Variants in HELLS observed in about 807,000 individuals in gnomAD.
The protein encoded by HELLS is helicase, lymphoid specific, also known as lymphoid-specific helicase.
HELLS carries 32 observed loss-of-function variants against 120.0 expected under a neutral mutation model. The ratio of observed to expected loss-of-function variants is 0.27; its 90% CI spans 0.20 to 0.36. HELLS has a LOEUF of 0.36. Among genes scored for constraint, HELLS ranks in the 10% least tolerant of loss-of-function variants. The probability of loss-of-function intolerance (pLI) is 1.00; values close to 1 mark genes in which losing one functional copy is unlikely to be tolerated. For synonymous variants in HELLS, 341 were observed against 323.4 expected, an observed-to-expected ratio of 1.05 and a Z score of -0.58; for missense variants, 650 against 993.4, an observed-to-expected ratio of 0.65 and a Z score of 4.65.
intron 2 of HELLS, among the ~76,000 whole-genome samples, chr10:94,551,784 G>A (rs1036394964): frequency 8.0e-5 from 12 of 150,518 alleles, no homozygotes; most frequent in Admixed American, 6.6e-4. Flanking sequence ...CTGTTGCCCA[G>A]GCTGAAGTGC....
At chr10:94,597,740 C>T (rs1845806806) in intron 21 of HELLS, among the ~76,000 whole-genome samples, 1 of 152,142 alleles carries the variant, frequency 6.6e-6, no homozygotes, top group Non-Finnish European at 1.5e-5. Flanking sequence ...GCCATGTTGG[C>T]CAGGCTGGTC....
chr10:94,575,627 T>C (rs1396133455), intron 9 of HELLS, among the ~76,000 whole-genome samples: 1 of 152,098 alleles, frequency 6.6e-6, no homozygotes, highest in Non-Finnish European at 1.5e-5. Context: ...TTCACCATGT[T>C]GGCCAAGATG....
intron 2 of HELLS, among the ~76,000 whole-genome samples, chr10:94,550,467 A>G (rs1293187179): frequency 6.6e-6 from 1 of 152,028 alleles, no homozygotes; most frequent in Admixed American, 6.6e-5. Context: ...TTTTTAGTAA[A>G]GACGGGGTTT....
chr10:94,565,357 A>G (rs1238296542), intron 6 of HELLS, among the ~76,000 whole-genome samples: 16 of 151,812 alleles, frequency 1.1e-4, no homozygotes, highest in Admixed American at 1.1e-3. Context: ...GTTAGGGTCC[A>G]CTGAAATTCA....
chr10:94,557,852 C>G (rs1352493938), intron 3 of HELLS, among the ~76,000 whole-genome samples: 3 of 152,182 alleles, frequency 2.0e-5, no homozygotes, highest in Non-Finnish European at 2.9e-5. Context: ...GCTGGGCAGT[C>G]AGAAGATTAA....
At position 94,592,210 on chromosome 10, in the gene HELLS, TC is replaced by T; in HGVS notation, c.1768-17del. 1.9e-6 allele frequency: 3 copies of T among 1,556,492 alleles called. No homozygotes were observed. Among genetic ancestry groups the T allele is most frequent in the Non-Finnish European group, 2.6e-6 (3 of 1,143,854 alleles). Reference sequence around the variant, plus strand: ...TAACAGTTTTCTCTCTATTTTTTCTTCCTTTGCCCCTCCTTAAGATCGATGA... The same window carrying T: ...TAACAGTTTTCTCTCTATTTTTTCTTCTTTGCCCCTCCTTAAGATCGATGA... On this transcript the variant is annotated intron_variant, in intron 15 of 21. Transcript: ENST00000348459.
chr10:94,601,382 T>C, intron 21 of HELLS, 146 bp from the exon 22 acceptor site: 1 of 536,590 alleles, frequency 1.9e-6, no homozygotes, highest in East Asian at 3.5e-5. Flanking sequence ...ATCTTGGTGA[T>C]TAAGGAAGAG....
At position 94,574,602 on chromosome 10, in the gene HELLS, T is replaced by C. The variant is rs1029474713; in HGVS notation, c.754T>C (p.Leu252=). ...INGILADEMG[L]GKTVQCIATI... Reference sequence around the variant, plus strand: ...TGGCATTTTAGCAGATGAAATGGGATTGGGTAAGACAGTTCAGTGCATTGC... The same window carrying C: ...TGGCATTTTAGCAGATGAAATGGGACTGGGTAAGACAGTTCAGTGCATTGC... Residue 252 remains leucine, a synonymous_variant, in exon 9 of 22, where the codon TTG becomes CTG. Coordinates refer to ENST00000348459, the MANE Select transcript of HELLS (RefSeq NM_018063.5). The C allele has an allele frequency of 1.5e-5, 24 of 1,613,156 alleles. No individual in the cohort carries two copies. The highest frequency in any genetic ancestry group is 2.0e-5 in the Non-Finnish European group (24 of 1,179,510).
chr10:94,565,941 G>A (rs1013586733), intron 6 of HELLS, among the ~76,000 whole-genome samples: 2 of 151,524 alleles, frequency 1.3e-5, no homozygotes, highest in Non-Finnish European at 2.9e-5. Context: ...ACCCTGGCTC[G>A]AATGCAGCTG....
At chr10:94,578,777 G>A (rs1844652416) in intron 10 of HELLS, among the ~76,000 whole-genome samples, 2 of 152,180 alleles carry the variant, frequency 1.3e-5, no homozygotes, top group Non-Finnish European at 2.9e-5. Flanking sequence ...ATGGGAGACA[G>A]TGACAAATCA....
chr10:94,597,629 T>A (rs1845801106), intron 21 of HELLS, among the ~76,000 whole-genome samples: 1 of 152,034 alleles, frequency 6.6e-6, no homozygotes, highest in East Asian at 1.9e-4. Context: ...GCCTCCTGGG[T>A]TCAAGGGATT....
At chr10:94,586,131 A>ATT (rs35159449) in intron 12 of HELLS, among the ~76,000 whole-genome samples, 2 of 150,856 alleles carry the variant, frequency 1.3e-5, no homozygotes, top group South Asian at 4.2e-4. Flanking sequence ...ATTTATTTTT[A>ATT]TTTTTTTGAG....
At chr10:94,599,206 A>G (rs1845904891) in intron 21 of HELLS, among the ~76,000 whole-genome samples, 1 of 152,218 alleles carries the variant, frequency 6.6e-6, no homozygotes, top group Non-Finnish European at 1.5e-5. Context: ...GGTCAAATCT[A>G]AACTATATTA....
At chr10:94,566,654 C>CTT (rs35226277) in intron 6 of HELLS, among the ~76,000 whole-genome samples, 1 of 142,242 alleles carries the variant, frequency 7.0e-6, no homozygotes, top group Non-Finnish European at 1.5e-5. Flanking sequence ...TTTTTCTTTT[C>CTT]TTTTTTTTTT....
chr10:94,557,186 T>G (rs528823998), intron 3 of HELLS: 1 of 431,776 alleles, frequency 2.3e-6, no homozygotes, highest in Admixed American at 2.5e-5. Flanking sequence ...TAGACTGTTA[T>G]GAAGATTTAA....
chr10:94,612,741 C>T (rs529157937), exon 10 of HELLS: 1 of 152,142 alleles, frequency 6.6e-6, no homozygotes, highest in South Asian at 2.1e-4. Context: ...GTCTGGTCAA[C>T]ATGGTGAAAC....
rs991608745 is a variant in HELLS, at chr10:94,545,815, C to T, written c.-107C>T. ...AGGAGAAGCGCGCTTTTTTCCCTGG[C>T]GGGGGATTTGGCTAGAAGGCTGGGC... On this transcript the variant is annotated 5_prime_UTR_variant, in exon 1 of 22. Coordinates refer to ENST00000348459, the MANE Select transcript of HELLS (RefSeq NM_018063.5). 5.1e-5 allele frequency: 66 copies of T among 1,296,016 alleles called. No homozygotes were observed. Among genetic ancestry groups the T allele is most frequent in the Middle Eastern group, 1.8e-4 (1 of 5,522 alleles). 80.3% of individuals were successfully genotyped at this position (1,296,016 alleles called of 1,614,324 possible).
At chr10:94,553,438 G>A (rs1843081913) in intron 2 of HELLS, among the ~76,000 whole-genome samples, 1 of 151,692 alleles carries the variant, frequency 6.6e-6, no homozygotes, top group Non-Finnish European at 1.5e-5. Flanking sequence ...TAGTAGAGAT[G>A]GGGTTTCACC....
chr10:94,566,783 C>G (rs1407237426), intron 6 of HELLS, among the ~76,000 whole-genome samples: 6 of 151,638 alleles, frequency 4.0e-5, no homozygotes, highest in Non-Finnish European at 4.4e-5. Context: ...AGTAGTCCAG[C>G]GCCTGGGACT....
Sources: gnomAD v4.1 joint callset for allele counts (sites outside exome capture counted in the v4.1 genomes callset) on GRCh38, gnomAD v4.1.1 for gene constraint, MANE v1.5 for transcripts, NCBI Gene and HGNC (gene_info 2026-07-23, HGNC 2026-07-21) for gene names.